The following IQCJ variants were observed in gnomAD, a reference collection of about 807,000 sequenced individuals.
IQCJ encodes the protein IQ motif containing J.
IQCJ carries 9 observed loss-of-function variants against 11.0 expected under a neutral mutation model. The ratio of observed to expected loss-of-function variants is 0.82; its 90% CI spans 0.49 to 1.43. The LOEUF (loss-of-function observed/expected upper bound fraction) is 1.43, where lower values mean the gene tolerates loss of function less well. Among genes scored for constraint, IQCJ ranks in the 40% most tolerant of loss-of-function variants. The pLI is 0.00. For synonymous variants in IQCJ, 55 were observed against 51.3 expected (o/e 1.07, Z -0.31); for missense variants, 146 against 133.2 (o/e 1.10, Z -0.47).
chr3:159,114,177 TG>T (rs1408550209), intron 1 of IQCJ, among the ~76,000 whole-genome samples: 1 of 152,192 alleles, frequency 6.6e-6, no homozygotes. Context: ...CTGCATGCAC[TG>T]GGTGTCTAGG....
chr3:159,188,589 T>G (rs1050674118), intron 1 of IQCJ, among the ~76,000 whole-genome samples: 1 of 152,200 alleles, frequency 6.6e-6, no homozygotes, highest in African/African-American at 2.4e-5. Context: ...TTTGTTACAA[T>G]TACTGAACCA....
At chr3:159,124,637 T>A (rs1719567168) in intron 1 of IQCJ, among the ~76,000 whole-genome samples, 3 of 152,180 alleles carry the variant, frequency 2.0e-5, no homozygotes. Context: ...ATTTGCATGA[T>A]TATCTCTTTA....
At chr3:159,124,516 TC>T (rs1719560121) in intron 1 of IQCJ, among the ~76,000 whole-genome samples, 1 of 152,084 alleles carries the variant, frequency 6.6e-6, no homozygotes, top group Non-Finnish European at 1.5e-5. Context: ...AGCTCAACTC[TC>T]ACCTCAACTC....
At chr3:159,152,601 T>C (rs1721296719) in intron 1 of IQCJ, among the ~76,000 whole-genome samples, 1 of 152,242 alleles carries the variant, frequency 6.6e-6, no homozygotes, top group Admixed American at 6.5e-5. Flanking sequence ...TAGCCCTTGC[T>C]TTGCTGTATT....
chr3:159,183,315 T>C (rs1723199406), intron 1 of IQCJ, among the ~76,000 whole-genome samples: 1 of 152,334 alleles, frequency 6.6e-6, no homozygotes, highest in South Asian at 2.1e-4. Flanking sequence ...CTTCATACTT[T>C]ATATAGGTTT....
At chr3:159,131,613 T>C (rs1359281220) in intron 1 of IQCJ, among the ~76,000 whole-genome samples, 1 of 152,136 alleles carries the variant, frequency 6.6e-6, no homozygotes, top group Non-Finnish European at 1.5e-5. Context: ...TGGAGGTTGA[T>C]AACAGCTGTC....
chr3:159,262,705 C>G lies in IQCJ; in HGVS notation c.313C>G (p.Leu105Val). 2 of 1,613,788 alleles carry G rather than the reference C, an allele frequency of 1.2e-6. No individual in the cohort carries two copies. The highest frequency in any genetic ancestry group is 1.3e-5 in the African/African-American group (1 of 75,028). The change falls in exon 4 of 4, where the codon CTA (leucine) becomes GTA (valine). Residue 105 changes from leucine to valine, a missense_variant. By Grantham distance (32) the Leu-to-Val change is conservative. Transcript: ENST00000397832. The part of the protein sequence containing the change: ...STPVSVMFLF[L>V]CPDLTFN ...ACCCGTGAGTGTCATGTTTCTTTTTCTATGTCCTGACTTGACATTCAACTG... is the reference window on the plus strand; with the variant it reads ...ACCCGTGAGTGTCATGTTTCTTTTTGTATGTCCTGACTTGACATTCAACTG...
intron 1 of IQCJ, among the ~76,000 whole-genome samples, chr3:159,080,326 AATAAAACAGTCAGGGGCGT>A (rs1347855558): frequency 6.6e-6 from 1 of 152,078 alleles, no homozygotes; most frequent in African/African-American, 2.4e-5. Flanking sequence ...AAGGTGTGAG[AATAAAACAGTCAGGGGCGT>A]ATAAACTCTT....
intron 1 of IQCJ, among the ~76,000 whole-genome samples, chr3:159,228,581 G>C (rs931356223): frequency 6.6e-6 from 1 of 152,154 alleles, no homozygotes; most frequent in East Asian, 1.9e-4. Context: ...ACGAGGTCAG[G>C]AGATCGAGAC....
chr3:159,135,746 A>G (rs1247051905), intron 1 of IQCJ, among the ~76,000 whole-genome samples: 1 of 152,204 alleles, frequency 6.6e-6, no homozygotes, highest in Non-Finnish European at 1.5e-5. Context: ...AGTCTGGGAA[A>G]TGTAGTATAA....
intron 1 of IQCJ, among the ~76,000 whole-genome samples, chr3:159,151,955 C>T (rs575982732): frequency 9.7e-4 from 148 of 152,306 alleles, no homozygotes; most frequent in African/African-American, 3.5e-3. Flanking sequence ...ATTTTTAAGA[C>T]TCCTTCTAAA....
At chr3:159,082,359 T>C (rs1014697327) in intron 1 of IQCJ, among the ~76,000 whole-genome samples, 3 of 151,704 alleles carry the variant, frequency 2.0e-5, no homozygotes, top group African/African-American at 7.3e-5. Context: ...TTTTTTTTTT[T>C]TGTTAGCCCT....
intron 1 of IQCJ, among the ~76,000 whole-genome samples, chr3:159,160,691 C>A: frequency 8.2e-6 from 1 of 121,532 alleles, no homozygotes; most frequent in Non-Finnish European, 1.6e-5. Flanking sequence ...CCTCCCCCCA[C>A]CCCACAACTG....
At chr3:159,074,173 TG>T (rs1223804802) in intron 1 of IQCJ, among the ~76,000 whole-genome samples, 1 of 152,010 alleles carries the variant, frequency 6.6e-6, no homozygotes, top group East Asian at 1.9e-4. Context: ...TAGGCTTGCG[TG>T]AAGGTGAATG....
chr3:159,109,932 G>A (rs554881343), intron 1 of IQCJ, among the ~76,000 whole-genome samples: 16 of 152,256 alleles, frequency 1.1e-4, no homozygotes, highest in African/African-American at 3.4e-4. Flanking sequence ...TGTGGTTTGC[G>A]TATGGAGCAT....
chr3:159,242,570 T>C (rs1160979220), intron 1 of IQCJ, among the ~76,000 whole-genome samples: 2 of 12,132 alleles, frequency 1.6e-4, no homozygotes, highest in African/African-American at 4.4e-4. Context: ...CAGCTGAATC[T>C]TTTTTTTTTT....
intron 1 of IQCJ, among the ~76,000 whole-genome samples, chr3:159,083,208 C>T (rs1291120020): frequency 6.6e-6 from 1 of 152,066 alleles, no homozygotes; most frequent in African/African-American, 2.4e-5. Flanking sequence ...TTGCAAATGG[C>T]ATATCTAACA....
intron 1 of IQCJ, among the ~76,000 whole-genome samples, chr3:159,198,507 A>G (rs1724127537): frequency 6.6e-6 from 1 of 152,232 alleles, no homozygotes; most frequent in Non-Finnish European, 1.5e-5. Context: ...AGATACCAGT[A>G]GTTAGACTGT....
intron 1 of IQCJ, among the ~76,000 whole-genome samples, chr3:159,232,841 G>C (rs1726344385): frequency 6.6e-6 from 1 of 152,088 alleles, no homozygotes; most frequent in South Asian, 2.1e-4. Flanking sequence ...CACTATTGTT[G>C]TGTGGGAAAG....
Sources: allele counts gnomAD v4.1 joint callset (sites outside exome capture counted in the v4.1 genomes callset), GRCh38; gene constraint gnomAD v4.1.1; transcripts MANE v1.5; gene names NCBI Gene and HGNC (gene_info 2026-07-23, HGNC 2026-07-21).